The following CCDC170 variants were observed in gnomAD, a reference collection of about 807,000 sequenced individuals.
CCDC170 encodes the protein coiled-coil domain containing 170.
In CCDC170, 69 loss-of-function variants were observed where a neutral mutation model predicts 72.6. That is an observed-to-expected ratio of 0.95 (90% CI 0.78 to 1.16). The LOEUF (loss-of-function observed/expected upper bound fraction) is 1.16. Ranked by LOEUF, CCDC170 falls within the 50% of genes most tolerant of loss-of-function variation. The pLI is 0.00. For missense variants in CCDC170, 852 were observed against 832.5 expected (o/e 1.02, Z -0.29); for synonymous variants, 300 against 303.9 (o/e 0.99, Z 0.13).
At chr6:151,591,761 C>T (rs1015630308) in intron 7 of CCDC170, among the ~76,000 whole-genome samples, 4 of 152,020 alleles carry the variant, frequency 2.6e-5, no homozygotes, top group African/African-American at 4.8e-5. Flanking sequence ...TCCCAAAGTG[C>T]TGGGATTACA....
At chr6:151,538,483 T>C in intron 3 of CCDC170, among the ~76,000 whole-genome samples, 182 bp downstream of exon 3, 1 of 152,240 alleles carries the variant, frequency 6.6e-6, no homozygotes, top group Middle Eastern at 3.2e-3. Context: ...GGCTCATTTC[T>C]AAATGTCATC....
chr6:151,607,752 G>C (rs1776808518), intron 9 of CCDC170, among the ~76,000 whole-genome samples: 1 of 151,742 alleles, frequency 6.6e-6, no homozygotes, highest in Non-Finnish European at 1.5e-5. Context: ...CTTTTCTTTT[G>C]CTGTTTTTAG....
chr6:151,536,380 T>C lies in CCDC170; in HGVS notation c.120T>C (p.Asn40=). ...VTREQLNHYR[N]VAQNARSELA... ...GGGAGCAGTTAAACCACTATCGGAA[T>C]GTGGCTCAAAATGCTCGAAGTGAAC... Residue 40 remains asparagine (N), a synonymous_variant, in exon 2 of 11, where the codon AAT becomes AAC. Coordinates refer to ENST00000239374, the MANE Select transcript of CCDC170 (RefSeq NM_025059.4). 6.2e-7 allele frequency: 1 copy of C among 1,614,166 alleles called. No homozygotes were observed. Among genetic ancestry groups the C allele is most frequent in the Non-Finnish European group, 8.5e-7 (1 of 1,180,014 alleles).
At chr6:151,580,336 C>A (rs1458214604) in intron 6 of CCDC170, among the ~76,000 whole-genome samples, 4 of 152,180 alleles carry the variant, frequency 2.6e-5, no homozygotes, top group Non-Finnish European at 5.9e-5. Context: ...GAAACCACAT[C>A]TCCTGATGTG....
intron 10 of CCDC170, among the ~76,000 whole-genome samples, chr6:151,617,388 A>G (rs1166809645): frequency 8.6e-6 from 1 of 115,626 alleles, no homozygotes; most frequent in African/African-American, 3.1e-5. Context: ...TCATTAGCTT[A>G]TACTTTCTTG....
chr6:151,527,126 G>T (rs114354440), intron 1 of CCDC170, among the ~76,000 whole-genome samples: 1,593 of 145,512 alleles, frequency 0.011, 30 homozygotes, highest in African/African-American at 0.039. Context: ...CGAACTCCTG[G>T]CCTCAAGTGA....
In CCDC170 at chr6:151,573,289, T is replaced by G. The variant is rs1332851409; in HGVS notation, c.890T>G (p.Leu297Arg). ...GATGCCTCAAAGCAGGAAGTGAGCC[T>G]CCTGAAGAAAAGCTCTTCTGAGTTG... ...VWDASKQEVS[L>R]LKKSSSELEK... Residue 297 changes from leucine (L) to arginine (R), a missense_variant, in exon 6 of 11, where the codon CTC becomes CGC. Transcript: ENST00000239374. The G allele has an allele frequency of 1.2e-6, 2 of 1,614,062 alleles. No individual in the cohort carries two copies.
chr6:151,575,326 TTAGTGA>T (rs1776284749), intron 6 of CCDC170, among the ~76,000 whole-genome samples: 1 of 151,392 alleles, frequency 6.6e-6, no homozygotes, highest in African/African-American at 2.4e-5. Flanking sequence ...TCAATTTCCT[TTAGTGA>T]TAGTAAATTC....
intron 8 of CCDC170, among the ~76,000 whole-genome samples, chr6:151,595,856 G>T (rs1776613531): frequency 6.6e-6 from 1 of 152,024 alleles, no homozygotes; most frequent in Non-Finnish European, 1.5e-5. Flanking sequence ...CTCATGTTGG[G>T]GGCCACGTGT....
intron 10 of CCDC170, 81 bp from the exon 11 acceptor site, chr6:151,617,866 T>C (rs1776994195): frequency 7.1e-7 from 1 of 1,400,656 alleles, no homozygotes. Context: ...TTTCTACAGG[T>C]TTTTTGTTTG....
rs569905447 is a variant in CCDC170, at chr6:151,602,521, T to C, written c.1710+5944T>C. Among the ~76,000 whole-genome samples, 421 of 152,278 alleles carry C rather than the reference T, an allele frequency of 2.8e-3. 3 individuals are homozygous for C. Among genetic ancestry groups the C allele is most frequent in the African/African-American group, 9.6e-3 (399 of 41,574 alleles). ...GTCCCTACCCAAATGTCATCTTGAATTGTAATCCCCATGTATTGAGGGAGG... is the reference window on the plus strand; with the variant it reads ...GTCCCTACCCAAATGTCATCTTGAACTGTAATCCCCATGTATTGAGGGAGG... On this transcript the variant is annotated intron_variant, in intron 9 of 10. Coordinates refer to ENST00000239374, the MANE Select transcript of CCDC170 (RefSeq NM_025059.4).
chr6:151,598,773 C>T (rs753333642), intron 9 of CCDC170, among the ~76,000 whole-genome samples: 4 of 152,186 alleles, frequency 2.6e-5, no homozygotes, highest in Non-Finnish European at 5.9e-5. Context: ...CAGTTAGCTG[C>T]AAATACCATC....
intron 9 of CCDC170, among the ~76,000 whole-genome samples, chr6:151,608,148 T>C (rs1295841946): frequency 6.6e-6 from 1 of 152,204 alleles, no homozygotes; most frequent in Non-Finnish European, 1.5e-5. Flanking sequence ...TTAATTGAAT[T>C]CTTCAGTTCC....
At chr6:151,564,324 G>A (rs78255564) in intron 5 of CCDC170, among the ~76,000 whole-genome samples, 2,813 of 152,244 alleles carry the variant, frequency 0.018, 100 homozygotes, top group African/African-American at 0.064. Flanking sequence ...TGTGGTTGTT[G>A]GTGGAGTTGT....
At chr6:151,505,919 A>G (rs1350384142) in intron 1 of CCDC170, among the ~76,000 whole-genome samples, 1 of 152,080 alleles carries the variant, frequency 6.6e-6, no homozygotes, top group Non-Finnish European at 1.5e-5. Context: ...CAACATAGTG[A>G]GACCCCATCT....
At chr6:151,533,229 T>C (rs2115042974) in intron 1 of CCDC170, among the ~76,000 whole-genome samples, 2 of 151,664 alleles carry the variant, frequency 1.3e-5, no homozygotes, top group South Asian at 2.1e-4. Flanking sequence ...AATTTTTTTT[T>C]ATTTTTAGTA....
rs6918999 is a variant in CCDC170, at chr6:151,526,144, C to T, written c.58-10174C>T. ...TCTTCCTTCCTTCCTTCCCTCCCTC[C>T]CTCTCTCCCTCCTTCCCTCCTTCCT... On this transcript the variant is annotated intron_variant, in intron 1 of 10. Coordinates refer to ENST00000239374, the MANE Select transcript of CCDC170 (RefSeq NM_025059.4). 5.3e-5 allele frequency among the ~76,000 whole-genome samples: 8 copies of T among 150,376 alleles called. No individual in the cohort carries two copies. In the South Asian group the frequency reaches 1.3e-3, roughly 24 times the overall value.
intron 1 of CCDC170, among the ~76,000 whole-genome samples, chr6:151,525,084 C>T (rs1782383955): frequency 6.6e-6 from 1 of 152,088 alleles, no homozygotes; most frequent in Admixed American, 6.6e-5. Context: ...AGGTGCCCGC[C>T]ACTGCACCCA....
At chr6:151,617,919 G>C in intron 10 of CCDC170, 28 bp from the exon 11 acceptor site, 1 of 1,601,672 alleles carries the variant, frequency 6.2e-7, no homozygotes, top group East Asian at 2.2e-5. Flanking sequence ...TGTTCTCCCA[G>C]TTAATGAGTT....
Sources: gnomAD v4.1 joint callset for allele counts (sites outside exome capture counted in the v4.1 genomes callset) on GRCh38, gnomAD v4.1.1 for gene constraint, MANE v1.5 for transcripts, NCBI Gene and HGNC (gene_info 2026-07-23, HGNC 2026-07-21) for gene names.